The following PPARGC1A variants were observed in gnomAD, a reference collection of about 807,000 sequenced individuals.
The protein encoded by PPARGC1A is PPARG coactivator 1 alpha.
A neutral mutation model predicts 88.7 loss-of-function variants in PPARGC1A; 25 were observed. The observed-to-expected ratio is 0.28, with a 90% CI of 0.21 to 0.39. PPARGC1A has a LOEUF of 0.39. PPARGC1A is among the 10% of genes least tolerant of loss of function. PPARGC1A has a pLI of 1.00. For missense variants in PPARGC1A, 880 were observed against 968.7 expected (o/e 0.91, Z 1.22); for synonymous variants, 363 against 355.6 (o/e 1.02, Z -0.24).
the PPARGC1A span, among the ~76,000 whole-genome samples, chr4:24,359,552 G>A: frequency 6.6e-6 from 1 of 152,094 alleles, no homozygotes; most frequent in Non-Finnish European, 1.5e-5. Flanking sequence ...ATATATTCAA[G>A]TCCTATTCCC....
the PPARGC1A span, among the ~76,000 whole-genome samples, chr4:24,033,410 GAC>G: frequency 0.011 from 1,612 of 150,874 alleles, 29 homozygotes; most frequent in African/African-American, 0.037. Context: ...TAGACAGACA[GAC>G]ACACACACAC....
chr4:24,465,679 C>A, the PPARGC1A span, among the ~76,000 whole-genome samples: 1 of 152,174 alleles, frequency 6.6e-6, no homozygotes, highest in South Asian at 2.1e-4. Flanking sequence ...TAGAGACTGT[C>A]TTGCTGTAAC....
chr4:24,389,155 T>C, the PPARGC1A span, among the ~76,000 whole-genome samples: 2 of 152,092 alleles, frequency 1.3e-5, no homozygotes, highest in African/African-American at 2.4e-5. Flanking sequence ...TTAAAACATT[T>C]TCAGTAAAAT....
the PPARGC1A span, among the ~76,000 whole-genome samples, chr4:24,236,453 G>A: frequency 5.3e-5 from 8 of 152,272 alleles, no homozygotes; most frequent in South Asian, 2.1e-4. Flanking sequence ...TGCCATGTGC[G>A]AGGCTCTGTG....
chr4:23,922,905 G>C, the PPARGC1A span, among the ~76,000 whole-genome samples: 1 of 152,230 alleles, frequency 6.6e-6, no homozygotes, highest in East Asian at 1.9e-4. Flanking sequence ...TCAACTGGGG[G>C]CCACTGCAAT....
chr4:24,036,314 A>T, the PPARGC1A span, among the ~76,000 whole-genome samples: 1 of 152,208 alleles, frequency 6.6e-6, no homozygotes, highest in Non-Finnish European at 1.5e-5. Flanking sequence ...AATTTCAACC[A>T]CTGTGCAAAA....
Position 23,831,709 on chromosome 4 carries a change from T to A in PPARGC1A, c.277A>T (p.Thr93Ser). 1.2e-6 allele frequency: 2 copies of A among 1,613,894 alleles called. No individual in the cohort carries two copies. Among genetic ancestry groups the A allele is most frequent in the Non-Finnish European group, 1.7e-6 (2 of 1,179,814 alleles). ...ENEANLLAVL[T>S]ETLDSLPVDE... is the part of the protein sequence containing the mutation. Reference sequence around the variant, plus strand: ...ACAGGGAGACTGTCTAGTGTCTCTGTGAGGACTGCTAGCAAGTTTGCCTCA... The same window carrying A: ...ACAGGGAGACTGTCTAGTGTCTCTGAGAGGACTGCTAGCAAGTTTGCCTCA... The change falls in exon 3 of 13, where the codon ACA (threonine) becomes TCA (serine). Residue 93 changes from threonine (T) to serine (S), a missense_variant. Physicochemically the swap from Thr to Ser is moderately conservative, Grantham distance 58. Transcript: ENST00000264867.
chr4:24,002,097 C>CACACACACACAG, the PPARGC1A span, among the ~76,000 whole-genome samples: 82 of 125,370 alleles, frequency 6.5e-4, no homozygotes, highest in African/African-American at 2.5e-3. Flanking sequence ...CACACACACA[C>CACACACACACAG]AGAGAGAGAG....
At chr4:24,347,535 T>C in the PPARGC1A span, among the ~76,000 whole-genome samples, 1 of 152,204 alleles carries the variant, frequency 6.6e-6, no homozygotes, top group Admixed American at 6.5e-5. Context: ...TTAACTGCTG[T>C]TGCTTTAAAG....
the PPARGC1A span, among the ~76,000 whole-genome samples, chr4:24,378,831 C>T: frequency 1.4e-4 from 22 of 152,314 alleles, no homozygotes; most frequent in African/African-American, 5.3e-4. Flanking sequence ...GCAACCCTCA[C>T]TCTCACACAT....
the PPARGC1A span, among the ~76,000 whole-genome samples, chr4:24,180,561 C>T: frequency 1.3e-5 from 2 of 152,282 alleles, no homozygotes; most frequent in South Asian, 2.1e-4. Context: ...ACAATTTTAT[C>T]GGTCACTTAC....
the PPARGC1A span, among the ~76,000 whole-genome samples, chr4:24,305,148 T>TATATATATATAC: frequency 1.9e-4 from 28 of 148,570 alleles, no homozygotes; most frequent in African/African-American, 6.4e-4. Context: ...TATATATATA[T>TATATATATATAC]ACATACACAC....
the PPARGC1A span, among the ~76,000 whole-genome samples, chr4:24,314,282 T>C: frequency 1.3e-5 from 2 of 152,210 alleles, no homozygotes; most frequent in South Asian, 2.1e-4. Context: ...TGTTGAAATG[T>C]AACCCCCATC....
intron 1 of PPARGC1A, chr4:23,889,347 C>A (rs186316086): frequency 1.0e-6 from 1 of 985,312 alleles, no homozygotes; most frequent in East Asian, 1.1e-4. Flanking sequence ...TTAAAGGAAG[C>A]AGCATCGTTG....
At chr4:24,382,827 G>T in the PPARGC1A span, among the ~76,000 whole-genome samples, 1 of 152,222 alleles carries the variant, frequency 6.6e-6, no homozygotes, top group Admixed American at 6.5e-5. Context: ...AGACTTAAAC[G>T]TTCCTGCTGC....
upstream of PPARGC1A, among the ~76,000 whole-genome samples, chr4:23,908,654 A>G (rs73099521): frequency 0.031 from 4,721 of 152,290 alleles, 247 homozygotes; most frequent in African/African-American, 0.11. Context: ...ATTCTTCCCT[A>G]CATGAACTCT....
the PPARGC1A span, among the ~76,000 whole-genome samples, chr4:24,194,351 A>G: frequency 6.6e-6 from 1 of 152,184 alleles, no homozygotes; most frequent in African/African-American, 2.4e-5. Flanking sequence ...AAAATGGGGA[A>G]GAAGGTGTTT....
the PPARGC1A span, among the ~76,000 whole-genome samples, chr4:23,910,021 T>C: frequency 1.4e-5 from 2 of 147,992 alleles, no homozygotes; most frequent in African/African-American, 5.0e-5. Context: ...ATCCATAAAA[T>C]AGCAGCAAGT....
chr4:24,218,576 T>C, the PPARGC1A span, among the ~76,000 whole-genome samples: 7 of 143,806 alleles, frequency 4.9e-5, no homozygotes, highest in Admixed American at 4.0e-4. Flanking sequence ...AAAAAGGCAT[T>C]CAAATGTTGC....
Sources: allele counts gnomAD v4.1 joint callset (sites outside exome capture counted in the v4.1 genomes callset), GRCh38; gene constraint gnomAD v4.1.1; transcripts MANE v1.5; gene names NCBI Gene and HGNC (gene_info 2026-07-23, HGNC 2026-07-21).